Variants in KCND3 observed in about 807,000 individuals in gnomAD.
The protein encoded by KCND3 is potassium voltage-gated channel subfamily D member 3.
KCND3 carries 9 observed loss-of-function variants against 51.1 expected under a neutral mutation model. The ratio of observed to expected loss-of-function variants is 0.18; its 90% CI spans 0.11 to 0.31. KCND3 has a LOEUF of 0.31. Ranked by LOEUF, KCND3 falls within the 10% of genes least tolerant of loss-of-function variation. KCND3 has a pLI of 1.00. For missense variants in KCND3, 526 were observed against 903.8 expected, an observed-to-expected ratio of 0.58 and a Z score of 5.36; for synonymous variants, 349 against 368.0, an observed-to-expected ratio of 0.95 and a Z score of 0.59.
intron 2 of KCND3, among the ~76,000 whole-genome samples, chr1:111,905,521 C>T (rs1350943665): frequency 6.6e-6 from 1 of 152,210 alleles, no homozygotes; most frequent in African/African-American, 2.4e-5. Context: ...AAACACTGGA[C>T]CATGCGTCTG....
intron 2 of KCND3, among the ~76,000 whole-genome samples, chr1:111,954,615 C>T (rs1343767735): frequency 6.6e-6 from 1 of 152,246 alleles, no homozygotes; most frequent in East Asian, 1.9e-4. Context: ...GAGTGGGATT[C>T]TGGCTGGCAT....
intron 2 of KCND3, among the ~76,000 whole-genome samples, chr1:111,905,690 C>T (rs1459141528): frequency 2.6e-5 from 4 of 152,178 alleles, no homozygotes; most frequent in African/African-American, 7.2e-5. Context: ...ACCATCAATG[C>T]TTCCTTCAGG....
Position 111,945,444 on chromosome 1 carries a change from G to C in KCND3, c.1106+36177C>G, listed in dbSNP as rs532368058. On this transcript the variant is annotated intron_variant, in intron 2 of 7. Coordinates refer to ENST00000302127, the MANE Select transcript of KCND3 (RefSeq NM_001378969.1). The stretch of plus-strand genomic sequence containing the variant: ...CTGCCAGTTTCAGACACTGTACTGA[G>C]AGATTTACATCTATGGCCTACCCCC... Among the ~76,000 whole-genome samples, 50 of 152,304 alleles carry C rather than the reference G, an allele frequency of 3.3e-4. 1 individual carries two copies. Among genetic ancestry groups the C allele is most frequent in the African/African-American group, 1.1e-3 (47 of 41,568 alleles).
chr1:111,797,589 C>T (rs150896089), intron 2 of KCND3, among the ~76,000 whole-genome samples: 30 of 152,298 alleles, frequency 2.0e-4, no homozygotes, highest in African/African-American at 6.5e-4. Flanking sequence ...AATGTCACAA[C>T]ACTACAAGAA....
intron 2 of KCND3, among the ~76,000 whole-genome samples, chr1:111,919,635 G>C (rs1224904693): frequency 1.3e-5 from 2 of 152,178 alleles, no homozygotes; most frequent in Non-Finnish European, 2.9e-5. Context: ...CCTTACCAAA[G>C]TGGTCCCCAA....
intron 2 of KCND3, among the ~76,000 whole-genome samples, chr1:111,888,708 G>T (rs372941685): frequency 6.8e-6 from 1 of 146,742 alleles, no homozygotes. Context: ...AAGAAATAAA[G>T]AAAACAAAGA....
intron 2 of KCND3, among the ~76,000 whole-genome samples, chr1:111,909,012 AAC>A (rs1261729191): frequency 1.3e-5 from 2 of 151,364 alleles, no homozygotes; most frequent in Non-Finnish European, 2.9e-5. Flanking sequence ...GCAAGTAATA[AAC>A]AGTTTCTATA....
intron 2 of KCND3, among the ~76,000 whole-genome samples, chr1:111,844,521 G>T (rs1000255152): frequency 6.6e-6 from 1 of 151,992 alleles, no homozygotes; most frequent in African/African-American, 2.4e-5. Flanking sequence ...CAGGATCCAC[G>T]GGGACCACTC....
intron 2 of KCND3, among the ~76,000 whole-genome samples, chr1:111,883,982 G>A (rs1571793710): frequency 6.6e-6 from 1 of 152,210 alleles, no homozygotes; most frequent in South Asian, 2.1e-4. Context: ...ATCTCCGTGG[G>A]ATTCCGATGC....
At chr1:111,793,176 C>CTTTT (rs527596358) in intron 2 of KCND3, among the ~76,000 whole-genome samples, 1 of 134,842 alleles carries the variant, frequency 7.4e-6, no homozygotes, top group Non-Finnish European at 1.6e-5. Flanking sequence ...GAAGCATATT[C>CTTTT]TTTTTTTTTT....
chr1:111,978,387 T>C (rs771491170), intron 2 of KCND3, among the ~76,000 whole-genome samples: 1 of 152,372 alleles, frequency 6.6e-6, no homozygotes, highest in African/African-American at 2.4e-5. Context: ...GGTAGATATC[T>C]GCTGTGAGCT....
chr1:111,832,079 C>T (rs1666858618), intron 2 of KCND3, among the ~76,000 whole-genome samples: 1 of 152,174 alleles, frequency 6.6e-6, no homozygotes. Context: ...GCCTCCCATC[C>T]CATTACCCAC....
chr1:111,817,999 C>A (rs1376790176), intron 2 of KCND3, among the ~76,000 whole-genome samples: 1 of 151,886 alleles, frequency 6.6e-6, no homozygotes, highest in Non-Finnish European at 1.5e-5. Flanking sequence ...ACAGGTTAGC[C>A]TAATACCAGG....
At chr1:111,848,734 C>T (rs1667676537) in intron 2 of KCND3, among the ~76,000 whole-genome samples, 1 of 152,192 alleles carries the variant, frequency 6.6e-6, no homozygotes. Context: ...AATTATTTCA[C>T]CTCTCCAAGC....
rs940016476 is a variant in KCND3, at chr1:111,981,524, C to T, written c.1106+97G>A. 18 of 1,563,934 alleles carry T rather than the reference C, an allele frequency of 1.2e-5. No individual in the cohort carries two copies. In the African/African-American group the frequency reaches 2.4e-4, roughly 21 times the overall value. ...CCCCAACACTTGGGTAAGGGACTCC[C>T]TCCTCCTCTACCCATGGTGACACCA... On this transcript the variant is annotated intron_variant, in intron 2 of 7. Coordinates refer to ENST00000302127, the MANE Select transcript of KCND3 (RefSeq NM_001378969.1). This position sits in a 1 kb window ranked among gnomAD's most constrained non-coding sequence, Gnocchi z 6.2.
At chr1:111,951,449 AT>A (rs757786191) in intron 2 of KCND3, among the ~76,000 whole-genome samples, 1 of 152,162 alleles carries the variant, frequency 6.6e-6, no homozygotes, top group Non-Finnish European at 1.5e-5. Context: ...ACTGCTTATA[AT>A]CAGGAGAGTA....
rs187532499 is a variant in KCND3, at chr1:111,923,663, G to T, written c.1106+57958C>A. Among the ~76,000 whole-genome samples the T allele has an allele frequency of 2.6e-5, 4 of 152,320 alleles. No homozygotes were observed. The East Asian group carries it at 5.8e-4, about 22-fold the overall frequency. The stretch of plus-strand genomic sequence containing the variant: ...GTCAACATCTTGGAAATTTATTTCT[G>T]TACTGCCAGCTAAGGAAGCTGCACA... On this transcript the variant is annotated intron_variant, in intron 2 of 7. Coordinates refer to ENST00000302127, the MANE Select transcript of KCND3 (RefSeq NM_001378969.1).
chr1:111,967,000 C>A (rs1233995507), intron 2 of KCND3, among the ~76,000 whole-genome samples: 1 of 151,912 alleles, frequency 6.6e-6, no homozygotes, highest in African/African-American at 2.4e-5. Context: ...AAAATTTAGC[C>A]ATGGTAGCGC....
intron 3 of KCND3, among the ~76,000 whole-genome samples, chr1:111,786,501 T>C (rs1298335605): frequency 6.6e-6 from 1 of 152,224 alleles, no homozygotes; most frequent in Non-Finnish European, 1.5e-5. Flanking sequence ...CTCAACGGCC[T>C]CAGGATGCTC....
Sources: allele counts gnomAD v4.1 joint callset (sites outside exome capture counted in the v4.1 genomes callset), GRCh38; gene constraint gnomAD v4.1.1; non-coding constraint Gnocchi (gnomAD v3.1); transcripts MANE v1.5; gene names NCBI Gene and HGNC (gene_info 2026-07-23, HGNC 2026-07-21).